The following NOL4 variants were observed in gnomAD, a reference collection of about 807,000 sequenced individuals.
NOL4 encodes the protein nucleolar protein 4.
NOL4 carries 17 observed loss-of-function variants against 75.9 expected under a neutral mutation model. The observed-to-expected ratio is 0.22, with a 90% confidence interval of 0.15 to 0.34. The LOEUF is 0.34. Ranked by LOEUF, NOL4 falls within the 10% of genes least tolerant of loss-of-function variation. The pLI is 1.00. For missense variants in NOL4, 614 were observed against 793.5 expected, an observed-to-expected ratio of 0.77 and a Z score of 2.72; for synonymous variants, 292 against 289.9, an observed-to-expected ratio of 1.01 and a Z score of -0.07.
In NOL4 at chr18:34,217,719, G is replaced by A. The variant is rs541435836; in HGVS notation, c.264+5271C>T. On this transcript the variant is annotated intron_variant, in intron 1 of 10. Coordinates refer to ENST00000261592, the MANE Select transcript of NOL4 (RefSeq NM_003787.5). ...TTTTTTTAGCATTTACTATGTCCCC[G>A]GCATATGCTACATATACCACATGCT... Among the ~76,000 whole-genome samples, 13 of 151,222 alleles carry A rather than the reference G, an allele frequency of 8.6e-5. No individual in the cohort carries two copies. The South Asian group carries it at 1.0e-3, about 12-fold the overall frequency.
intron 9 of NOL4, among the ~76,000 whole-genome samples, chr18:33,933,473 G>C (rs1006165434): frequency 6.6e-6 from 1 of 152,122 alleles, no homozygotes; most frequent in Non-Finnish European, 1.5e-5. Flanking sequence ...AAAACTGTTT[G>C]ATAGTATTTT....
At chr18:34,176,019 G>A (rs567988880) in intron 1 of NOL4, among the ~76,000 whole-genome samples, 1 of 152,096 alleles carries the variant, frequency 6.6e-6, no homozygotes, top group Non-Finnish European at 1.5e-5. Flanking sequence ...TAGTTTATTG[G>A]ATTTACTGGA....
intron 1 of NOL4, among the ~76,000 whole-genome samples, chr18:34,144,988 A>G (rs2081339243): frequency 6.6e-6 from 1 of 152,136 alleles, no homozygotes; most frequent in Non-Finnish European, 1.5e-5. Flanking sequence ...GGAGTAGATC[A>G]CTGTCCTGAA....
intron 5 of NOL4, 150 bp downstream of exon 5, chr18:34,093,315 T>C: frequency 2.8e-6 from 2 of 714,608 alleles, no homozygotes; most frequent in South Asian, 2.3e-5. Flanking sequence ...AAGTGGATGA[T>C]ATAACCTAAA....
chr18:34,063,205 G>T (rs1401954675), intron 5 of NOL4, among the ~76,000 whole-genome samples: 1 of 152,000 alleles, frequency 6.6e-6, no homozygotes, highest in African/African-American at 2.4e-5. Context: ...CAACAGGAGT[G>T]ATCAGACTAT....
chr18:34,015,407 A>G (rs1600255909), intron 6 of NOL4, among the ~76,000 whole-genome samples: 1 of 152,100 alleles, frequency 6.6e-6, no homozygotes, highest in East Asian at 1.9e-4. Flanking sequence ...GGCCAATGTC[A>G]CTTCATCTAA....
intron 5 of NOL4, among the ~76,000 whole-genome samples, chr18:34,088,431 T>G (rs2145485389): frequency 6.6e-6 from 1 of 152,194 alleles, no homozygotes; most frequent in East Asian, 1.9e-4. Context: ...GAAGCTCAAG[T>G]GACAAAATTT....
intron 10 of NOL4, among the ~76,000 whole-genome samples, chr18:33,853,750 A>T (rs2062720617): frequency 6.6e-6 from 1 of 152,120 alleles, no homozygotes; most frequent in Non-Finnish European, 1.5e-5. Flanking sequence ...ATACTGACTT[A>T]CGTGTTTAGG....
intron 2 of NOL4, among the ~76,000 whole-genome samples, chr18:34,126,108 T>G (rs1381178460): frequency 6.6e-6 from 1 of 152,166 alleles, no homozygotes; most frequent in Non-Finnish European, 1.5e-5. Context: ...CTGCCTGTCC[T>G]TCTACGTGAA....
chr18:33,909,632 A>G (rs921152800), intron 9 of NOL4, among the ~76,000 whole-genome samples: 1 of 152,128 alleles, frequency 6.6e-6, no homozygotes, highest in African/African-American at 2.4e-5. Context: ...TCTCATGTCT[A>G]TAACCCAGGA....
chr18:34,136,712 C>A (rs1283826206), intron 1 of NOL4, among the ~76,000 whole-genome samples: 2 of 151,964 alleles, frequency 1.3e-5, no homozygotes, highest in South Asian at 2.1e-4. Context: ...TGAAATACAC[C>A]TTACGTTTAT....
chr18:34,156,948 C>T (rs180784181), intron 1 of NOL4: 12 of 152,294 alleles, frequency 7.9e-5, no homozygotes, highest in Admixed American at 3.9e-4. Context: ...CTTCTCATCA[C>T]GTATATTGGC....
chr18:34,178,961 A>G (rs2033796034), intron 1 of NOL4, among the ~76,000 whole-genome samples: 1 of 151,674 alleles, frequency 6.6e-6, no homozygotes, highest in Non-Finnish European at 1.5e-5. Flanking sequence ...AAGTCTCAAA[A>G]TAATAAAAAT....
intron 5 of NOL4, among the ~76,000 whole-genome samples, chr18:34,067,326 C>T (rs996493780): frequency 6.6e-5 from 10 of 152,066 alleles, no homozygotes; most frequent in African/African-American, 2.4e-4. Context: ...AGCAGGGAGG[C>T]TGTTGTAGCT....
chr18:33,917,843 T>C (rs1351908533), intron 9 of NOL4, among the ~76,000 whole-genome samples: 1 of 152,160 alleles, frequency 6.6e-6, no homozygotes, highest in Non-Finnish European at 1.5e-5. Context: ...TTCTGAAATA[T>C]ACACCTTTTG....
intron 1 of NOL4, among the ~76,000 whole-genome samples, chr18:34,159,497 C>A (rs548160169): frequency 1.3e-5 from 2 of 152,254 alleles, no homozygotes; most frequent in Admixed American, 1.3e-4. Flanking sequence ...CCGCCGCCTT[C>A]TCCTCCCCTG....
At chr18:34,036,074 GCTATTTCAAAA>G (rs1200842712) in intron 5 of NOL4, among the ~76,000 whole-genome samples, 1 of 151,872 alleles carries the variant, frequency 6.6e-6, no homozygotes, top group African/African-American at 2.4e-5. Context: ...TAATCCTCAA[GCTATTTCAAAA>G]AAATCAAAGA....
intron 4 of NOL4, among the ~76,000 whole-genome samples, chr18:34,101,428 C>T (rs1600589697): frequency 6.6e-6 from 1 of 152,104 alleles, no homozygotes; most frequent in South Asian, 2.1e-4. Flanking sequence ...CCCCATGCCC[C>T]AAAAGAGACA....
intron 5 of NOL4, among the ~76,000 whole-genome samples, chr18:34,024,194 A>AAAAAAATATATATATATATATATATATAT: frequency 1.3e-4 from 9 of 70,684 alleles, no homozygotes; most frequent in Admixed American, 2.7e-4. Flanking sequence ...AAAAAAAAAA[A>AAAAAAATATATATATATATATATATATAT]ATATATATAT....
Sources: gnomAD v4.1 joint callset for allele counts (sites outside exome capture counted in the v4.1 genomes callset) on GRCh38, gnomAD v4.1.1 for gene constraint, MANE v1.5 for transcripts, NCBI Gene and HGNC (gene_info 2026-07-23, HGNC 2026-07-21) for gene names.